The following RAD23B variants were observed in gnomAD, a reference collection of about 807,000 sequenced individuals.
The protein encoded by RAD23B is lysine-specific demethylase RAD23B.
A neutral mutation model predicts 49.1 loss-of-function variants in RAD23B; 5 were observed. The observed-to-expected ratio is 0.10, with a 90% CI of 0.05 to 0.21. The LOEUF (loss-of-function observed/expected upper bound fraction) is 0.21. RAD23B is among the 10% of genes least tolerant of loss of function. RAD23B has a pLI of 1.00. For synonymous variants in RAD23B, 184 were observed against 165.4 expected (o/e 1.11, Z -0.86); for missense variants, 356 against 486.7 (o/e 0.73, Z 2.53).
intron 9 of RAD23B, 61 bp downstream of exon 9, chr9:107,325,065 A>AGCAC (rs762514316): frequency 6.6e-7 from 1 of 1,516,604 alleles, no homozygotes; most frequent in Non-Finnish European, 9.0e-7. Context: ...CTGTAATTCC[A>AGCAC]GCACTTTGGG....
chr9:107,324,155 A>G, intron 8 of RAD23B, 138 bp downstream of exon 8: 1 of 1,027,662 alleles, frequency 9.7e-7, no homozygotes, highest in Non-Finnish European at 1.4e-6. Flanking sequence ...ACACTTAGAT[A>G]TTGTAATCTA....
intron 3 of RAD23B, among the ~76,000 whole-genome samples, chr9:107,303,286 G>C (rs1564244469): frequency 1.3e-5 from 2 of 152,078 alleles, no homozygotes; most frequent in Non-Finnish European, 2.9e-5. Flanking sequence ...TTTTCTCAAA[G>C]TCACAAAATA....
chr9:107,285,821 A>G (rs1432385786), intron 1 of RAD23B, among the ~76,000 whole-genome samples: 2 of 152,226 alleles, frequency 1.3e-5, no homozygotes, highest in Non-Finnish European at 2.9e-5. Flanking sequence ...GAACGTTTGC[A>G]TTTAATGACT....
rs1394440797 is a variant in RAD23B, at chr9:107,286,793, CTGGG to C, written c.66+3101_66+3104del. 2.0e-5 allele frequency among the ~76,000 whole-genome samples: 3 copies of C among 152,068 alleles called. No homozygotes were observed. The East Asian group carries it at 5.8e-4, about 29-fold the overall frequency. On this transcript the variant is annotated intron_variant, in intron 1 of 9. Coordinates refer to ENST00000358015, the MANE Select transcript of RAD23B (RefSeq NM_002874.5). The stretch of plus-strand genomic sequence containing the variant: ...ATTCTTAAAAATTCTGAAGTTTAGG[CTGGG>C]TGTGGTGGCTCATGCCTGTAATCCC...
intron 5 of RAD23B, 119 bp downstream of exon 5, chr9:107,311,856 A>G (rs143115850): frequency 2.2e-5 from 16 of 728,002 alleles, no homozygotes; most frequent in Middle Eastern, 6.8e-4. Context: ...AAGCTGTAAG[A>G]TGATTGATTT....
chr9:107,320,987 TTATTCTCTTCA>T (rs1827099318), intron 6 of RAD23B, among the ~76,000 whole-genome samples: 1 of 152,212 alleles, frequency 6.6e-6, no homozygotes, highest in Non-Finnish European at 1.5e-5. Context: ...ACTTGGTTCT[TTATTCTCTTCA>T]AAATCTATAA....
At chr9:107,303,668 A>G (rs1483027273) in intron 3 of RAD23B, among the ~76,000 whole-genome samples, 1 of 152,208 alleles carries the variant, frequency 6.6e-6, no homozygotes, top group Non-Finnish European at 1.5e-5. Flanking sequence ...TTCACTTAGC[A>G]TAATGTCATT....
At chr9:107,292,521 A>G (rs1833402372) in intron 1 of RAD23B, among the ~76,000 whole-genome samples, 1 of 152,150 alleles carries the variant, frequency 6.6e-6, no homozygotes, top group Non-Finnish European at 1.5e-5. Context: ...TCTACTAAAA[A>G]TACAAAAAAT....
chr9:107,331,912 A>C lies in RAD23B; in HGVS notation c.*2256A>C, dbSNP rs1827317215. 4.2e-6 allele frequency: 2 copies of C among 479,206 alleles called. No individual in the cohort carries two copies. Among genetic ancestry groups the C allele is most frequent in the Non-Finnish European group, 7.4e-6 (2 of 270,298 alleles). The allele number at this position is 479,206 out of a possible 1,614,324, so 29.7% of individuals were successfully genotyped here. A position where few individuals can be genotyped will look rare whatever the true frequency, so the allele number is the denominator to read the frequency against. ...TTGTGCCTTTTGCTGTTAATGTTTA[A>C]TTTACAAACTGTTTTGGTAAATCTC... On this transcript the variant is annotated 3_prime_UTR_variant, in exon 10 of 10. Transcript: ENST00000358015.
At position 107,318,932 on chromosome 9, in the gene RAD23B, A is replaced by C; in HGVS notation, c.681+53A>C. ...TTCTGTTGTTTAAGATTAAAATCTCAAAGAAACAGATTTTAAAGGACCAGT... is the reference window on the plus strand; with the variant it reads ...TTCTGTTGTTTAAGATTAAAATCTCCAAGAAACAGATTTTAAAGGACCAGT... On this transcript the variant is annotated intron_variant, in intron 6 of 9. Coordinates refer to ENST00000358015, the MANE Select transcript of RAD23B (RefSeq NM_002874.5). The surrounding 1 kb of genome is among the most constrained non-coding windows in gnomAD (Gnocchi z 4.3). The C allele has an allele frequency of 4.5e-4, 688 of 1,515,344 alleles. No homozygotes were observed. The highest frequency in any genetic ancestry group is 5.7e-4 in the Non-Finnish European group (634 of 1,106,574). The allele number at this position is 1,515,344 out of a possible 1,614,324, so 93.9% of individuals were successfully genotyped here.
chr9:107,292,507 T>C (rs2417783), intron 1 of RAD23B, among the ~76,000 whole-genome samples: 113,014 of 151,874 alleles, frequency 0.74, 43,021 homozygotes, highest in African/African-American at 0.92. Flanking sequence ...GATGAAACCC[T>C]GTCTCTACTA....
rs918929326 is a variant in RAD23B at position 107,324,063 on chromosome 9, A to C, written c.945+46A>C. ...TCACAAGTGATTTAGAGTGTGTCACAATTTGAAAAAGTCCATGAACGGTCC... is the reference window on the plus strand; with the variant it reads ...TCACAAGTGATTTAGAGTGTGTCACCATTTGAAAAAGTCCATGAACGGTCC... On this transcript the variant is annotated intron_variant, in intron 8 of 9. Coordinates refer to ENST00000358015, the MANE Select transcript of RAD23B (RefSeq NM_002874.5). 4.4e-6 allele frequency: 7 copies of C among 1,592,724 alleles called. No homozygotes were observed. The African/African-American group carries it at 9.4e-5, about 21-fold the overall frequency.
intron 1 of RAD23B, among the ~76,000 whole-genome samples, chr9:107,298,859 G>A (rs1396517485): frequency 1.3e-5 from 2 of 151,168 alleles, no homozygotes; most frequent in Non-Finnish European, 1.5e-5. Flanking sequence ...AATTTTACTT[G>A]TGTTTTACCT....
At chr9:107,304,950 G>A (rs1210498115) in intron 3 of RAD23B, among the ~76,000 whole-genome samples, 4 of 152,108 alleles carry the variant, frequency 2.6e-5, no homozygotes, top group African/African-American at 7.2e-5. Context: ...TGTTTTATAT[G>A]TTACATGTAT....
intron 1 of RAD23B, among the ~76,000 whole-genome samples, chr9:107,299,654 A>C (rs143837768): frequency 3.9e-5 from 6 of 152,314 alleles, no homozygotes; most frequent in Non-Finnish European, 7.4e-5. Context: ...TTATGTTTTA[A>C]TTGGTGTTTG....
chr9:107,309,630 C>T lies in RAD23B; in HGVS notation c.498-2052C>T, dbSNP rs371415266. Among the ~76,000 whole-genome samples, 18 of 152,094 alleles carry T rather than the reference C, an allele frequency of 1.2e-4. No individual in the cohort carries two copies. The South Asian group carries it at 3.5e-3, about 30-fold the overall frequency. On this transcript the variant is annotated intron_variant, in intron 4 of 9. Coordinates refer to ENST00000358015, the MANE Select transcript of RAD23B (RefSeq NM_002874.5). ...TCTTATCTGTGGTGTTTAAAGAGAACTTTTTAAAAACAATGTGTGGGCCGG... is the reference window on the plus strand; with the variant it reads ...TCTTATCTGTGGTGTTTAAAGAGAATTTTTTAAAAACAATGTGTGGGCCGG...
rs1401957362 is a variant in RAD23B, at chr9:107,321,376, C to T, written c.682-607C>T. Among the ~76,000 whole-genome samples the T allele has an allele frequency of 7.2e-5, 11 of 152,278 alleles. No homozygotes were observed. The East Asian group carries it at 2.1e-3, about 29-fold the overall frequency. ...AGATACTTTCTGAGTGACACTTTCT[C>T]AGTACCATGGATCAGTAGGGGAGAT... On this transcript the variant is annotated intron_variant, in intron 6 of 9. Coordinates refer to ENST00000358015, the MANE Select transcript of RAD23B (RefSeq NM_002874.5).
intron 9 of RAD23B, among the ~76,000 whole-genome samples, chr9:107,327,246 C>CTTTTG (rs149815281): frequency 6.6e-6 from 1 of 151,728 alleles, no homozygotes; most frequent in African/African-American, 2.4e-5. Context: ...TTTTTCTAGT[C>CTTTTG]TTTTGTTTTG....
intron 1 of RAD23B, among the ~76,000 whole-genome samples, chr9:107,287,210 A>G (rs1419924920): frequency 2.7e-5 from 4 of 145,958 alleles, no homozygotes; most frequent in African/African-American, 1.0e-4. Flanking sequence ...TAAGAAAGGT[A>G]GATTTAGGAA....
Sources: gnomAD v4.1 joint callset for allele counts (sites outside exome capture counted in the v4.1 genomes callset) on GRCh38, gnomAD v4.1.1 for gene constraint, Gnocchi (gnomAD v3.1) non-coding constraint, MANE v1.5 for transcripts, NCBI Gene and HGNC (gene_info 2026-07-23, HGNC 2026-07-21) for gene names.